WASF3: variants seen among roughly 807,000 people sequenced by gnomAD.
WASF3 encodes the protein actin-binding protein WASF3.
A neutral mutation model predicts 46.6 loss-of-function variants in WASF3; 11 were observed. The ratio of observed to expected loss-of-function variants is 0.24; its 90% CI spans 0.15 to 0.39. The LOEUF (loss-of-function observed/expected upper bound fraction) is 0.39, where lower values mean the gene tolerates loss of function less well. Ranked by LOEUF, WASF3 falls within the 10% of genes least tolerant of loss-of-function variation. WASF3 has a pLI of 1.00. For missense variants in WASF3, 576 were observed against 669.8 expected, an observed-to-expected ratio of 0.86 and a Z score of 1.55; for synonymous variants, 242 against 259.7, an observed-to-expected ratio of 0.93 and a Z score of 0.65.
At chr13:26,576,505 G>A (rs1183250013) in intron 1 of WASF3, among the ~76,000 whole-genome samples, 4 of 152,066 alleles carry the variant, frequency 2.6e-5, no homozygotes, top group African/African-American at 9.7e-5. Flanking sequence ...GTGGTACGTG[G>A]GCTTTGAATA....
At chr13:26,616,503 C>G (rs1881137607) in intron 2 of WASF3, among the ~76,000 whole-genome samples, 1 of 152,088 alleles carries the variant, frequency 6.6e-6, no homozygotes, top group East Asian at 1.9e-4. Flanking sequence ...TGTATCAGAT[C>G]TTTATCAGAT....
At chr13:26,557,398 G>C (rs73164195), upstream of WASF3, among the ~76,000 whole-genome samples, 1,408 of 152,292 alleles carry the variant, frequency 9.2e-3, 12 homozygotes, top group Middle Eastern at 0.017. Context: ...GGTGATACAA[G>C]GGTCTCTTGG....
rs370715617 is a variant in WASF3 at position 26,687,723 on chromosome 13, C to CTTTTTTT, written c.*1886_*1892dup. ...AAATTTCTAATTTCTCTCTCTCTCT[C>CTTTTTTT]TTTTTTTTTTTTTTGTTGTTGTTAA... On this transcript the variant is annotated 3_prime_UTR_variant, in exon 10 of 10. Coordinates refer to ENST00000335327, the MANE Select transcript of WASF3 (RefSeq NM_006646.6). 5 of 139,062 alleles carry CTTTTTTT rather than the reference C, an allele frequency of 3.6e-5. No homozygotes were observed. The highest frequency in any genetic ancestry group is 7.1e-5 in the Admixed American group (1 of 14,006). The allele number at this position is 139,062 out of a possible 1,614,324, so 8.6% of individuals were successfully genotyped here. A position where few individuals can be genotyped will look rare whatever the true frequency, so the allele number is the denominator to read the frequency against.
chr13:26,605,225 T>G (rs541802830), intron 1 of WASF3, among the ~76,000 whole-genome samples: 51 of 152,264 alleles, frequency 3.3e-4, no homozygotes, highest in Non-Finnish European at 8.8e-5. Context: ...AGAATGTTGC[T>G]GAATAGCTTC....
Position 26,667,497 on chromosome 13 carries a change from G to T in WASF3, c.269-20G>T. 1 of 1,597,480 alleles carries T rather than the reference G, an allele frequency of 6.3e-7. No homozygotes were observed. Among genetic ancestry groups the T allele is most frequent in the Non-Finnish European group, 8.5e-7 (1 of 1,172,838 alleles). ...AAAATATTTCTATATAACTCAACTTGGGGGATTTTCTCTAAATAGTCTCAC... is the reference window on the plus strand; with the variant it reads ...AAAATATTTCTATATAACTCAACTTTGGGGATTTTCTCTAAATAGTCTCAC... On this transcript the variant is annotated intron_variant, in intron 4 of 9. Transcript: ENST00000335327.
At chr13:26,599,614 T>C (rs543117881) in intron 1 of WASF3, among the ~76,000 whole-genome samples, 1 of 152,318 alleles carries the variant, frequency 6.6e-6, no homozygotes, top group South Asian at 2.1e-4. Context: ...TCAGCTCACA[T>C]GGAGACATTA....
chr13:26,636,272 T>C (rs1348468698), intron 2 of WASF3, among the ~76,000 whole-genome samples: 1 of 152,256 alleles, frequency 6.6e-6, no homozygotes, highest in Non-Finnish European at 1.5e-5. Context: ...CTCAGACTGC[T>C]GCACTAGTAG....
intron 1 of WASF3, among the ~76,000 whole-genome samples, chr13:26,582,288 A>G (rs1006055846): frequency 6.6e-6 from 1 of 152,130 alleles, no homozygotes; most frequent in Non-Finnish European, 1.5e-5. Context: ...TTGGGGCCAG[A>G]CTGATTTGTG....
rs559282499 is a variant in WASF3, at chr13:26,559,330, G to A, written c.-109+1511G>A. The stretch of plus-strand genomic sequence containing the variant: ...CAACCTGTGCTTATTCTAGAACTAT[G>A]TACATATAGAAATTGTTCTTGCATT... On this transcript the variant is annotated intron_variant, in intron 1 of 9. Transcript: ENST00000335327. Among the ~76,000 whole-genome samples the A allele has an allele frequency of 1.2e-3, 177 of 152,296 alleles. 1 individual carries two copies. The highest frequency in any genetic ancestry group is 6.0e-3 in the South Asian group (29 of 4,816).
intron 1 of WASF3, among the ~76,000 whole-genome samples, chr13:26,566,206 CTG>C (rs953837435): frequency 3.2e-4 from 49 of 152,230 alleles, no homozygotes; most frequent in Middle Eastern, 3.4e-3. Context: ...CTTAGATAAA[CTG>C]TGTGTAAATG....
At chr13:26,560,227 C>T (rs1385488143) in intron 1 of WASF3, among the ~76,000 whole-genome samples, 9 of 152,066 alleles carry the variant, frequency 5.9e-5, no homozygotes, top group African/African-American at 2.2e-4. Context: ...TTCTGACAGC[C>T]CCACACATTC....
intron 2 of WASF3, among the ~76,000 whole-genome samples, chr13:26,613,477 C>A (rs1463930547): frequency 1.3e-5 from 2 of 152,180 alleles, no homozygotes; most frequent in East Asian, 1.9e-4. Context: ...AAAACTTAAA[C>A]CTAATCAGTT....
At chr13:26,628,162 C>T (rs1183942034) in intron 2 of WASF3, among the ~76,000 whole-genome samples, 1 of 152,098 alleles carries the variant, frequency 6.6e-6, no homozygotes, top group Non-Finnish European at 1.5e-5. Flanking sequence ...GGGTAGAAAA[C>T]CTGCGCTCGC....
rs529540717 is a variant in WASF3 at position 26,666,187 on chromosome 13, C to T, written c.268+1025C>T. Among the ~76,000 whole-genome samples the T allele has an allele frequency of 3.3e-5, 5 of 152,126 alleles. 1 individual carries two copies. In the South Asian group the frequency reaches 1.0e-3, roughly 32 times the overall value. ...CATTATAGAAGCATTCTTACTTTTC[C>T]AACAATAAGTATTAGTTGGTCTGTT... On this transcript the variant is annotated intron_variant, in intron 4 of 9. Transcript: ENST00000335327.
chr13:26,597,595 T>C (rs373143289), intron 1 of WASF3, among the ~76,000 whole-genome samples: 1 of 152,202 alleles, frequency 6.6e-6, no homozygotes, highest in East Asian at 1.9e-4. Flanking sequence ...ACTTGTCATT[T>C]AACATGTTAA....
intron 1 of WASF3, chr13:26,577,140 G>A: frequency 1.3e-6 from 1 of 773,004 alleles, no homozygotes; most frequent in Non-Finnish European, 2.3e-6. Context: ...GAAAATTCAA[G>A]CTGATTACTG....
intron 3 of WASF3, among the ~76,000 whole-genome samples, chr13:26,652,997 C>G (rs7323679): frequency 7.2e-4 from 110 of 152,304 alleles, no homozygotes; most frequent in African/African-American, 2.6e-3. Flanking sequence ...TCATATCTTT[C>G]CACCTCGCAC....
intron 1 of WASF3, among the ~76,000 whole-genome samples, chr13:26,592,424 C>T (rs1434184683): frequency 6.6e-6 from 1 of 152,130 alleles, no homozygotes; most frequent in Non-Finnish European, 1.5e-5. Flanking sequence ...TTTATTTTCT[C>T]ATAGTTCTGG....
At chr13:26,684,648 G>A (rs979766740) in intron 9 of WASF3, among the ~76,000 whole-genome samples, 2 of 152,086 alleles carry the variant, frequency 1.3e-5, no homozygotes, top group South Asian at 2.1e-4. Flanking sequence ...AGGCGGGGGC[G>A]GTAACACATG....
Sources: gnomAD v4.1 joint callset for allele counts (sites outside exome capture counted in the v4.1 genomes callset) on GRCh38, gnomAD v4.1.1 for gene constraint, MANE v1.5 for transcripts, NCBI Gene and HGNC (gene_info 2026-07-23, HGNC 2026-07-21) for gene names.